SLC6A5: variants seen among roughly 807,000 people sequenced by gnomAD.
SLC6A5 encodes the protein solute carrier family 6 member 5, also known as sodium- and chloride-dependent glycine transporter 2.
SLC6A5 carries 58 observed loss-of-function variants against 90.5 expected under a neutral mutation model. The ratio of observed to expected loss-of-function variants is 0.64; its 90% CI spans 0.52 to 0.80. The LOEUF (loss-of-function observed/expected upper bound fraction) is 0.80, where lower values mean the gene tolerates loss of function less well. Ranked by LOEUF, SLC6A5 falls within the 30% of genes least tolerant of loss-of-function variation. SLC6A5 has a pLI of 0.00. For synonymous variants in SLC6A5, 427 were observed against 401.4 expected, an observed-to-expected ratio of 1.06 and a Z score of -0.76; for missense variants, 1,015 against 1,017.6, an observed-to-expected ratio of 1.00 and a Z score of 0.03.
intron 13 of SLC6A5, among the ~76,000 whole-genome samples, chr11:20,645,100 A>G (rs1055738488): frequency 1.5e-4 from 23 of 152,232 alleles, no homozygotes; most frequent in African/African-American, 5.3e-4. Flanking sequence ...GGATAGAGCC[A>G]CCATGCCTGG....
At chr11:20,640,896 G>A (rs11025672) in intron 13 of SLC6A5, among the ~76,000 whole-genome samples, 7,373 of 152,152 alleles carry the variant, frequency 0.048, 462 homozygotes, top group East Asian at 0.2. Flanking sequence ...AAAAAAATAA[G>A]CCAGTGAATT....
chr11:20,603,785 T>C (rs1852522519), intron 2 of SLC6A5, among the ~76,000 whole-genome samples: 2 of 152,170 alleles, frequency 1.3e-5, no homozygotes, highest in South Asian at 4.1e-4. Context: ...GCACACACTC[T>C]AAAGGAAGAA....
chr11:20,606,889 G>T, intron 3 of SLC6A5, 118 bp from the exon 4 acceptor site: 1 of 1,260,038 alleles, frequency 7.9e-7, no homozygotes. Context: ...CTTCAGGAAT[G>T]GAGCTAAATT....
intron 7 of SLC6A5, among the ~76,000 whole-genome samples, chr11:20,618,565 C>T (rs1424718738): frequency 6.6e-6 from 1 of 152,166 alleles, no homozygotes; most frequent in African/African-American, 2.4e-5. Flanking sequence ...AAGAGAGGAG[C>T]CCATCGAACC....
chr11:20,649,937 T>A (rs1254798455), intron 14 of SLC6A5, among the ~76,000 whole-genome samples: 1 of 152,212 alleles, frequency 6.6e-6, no homozygotes, highest in African/African-American at 2.4e-5. Flanking sequence ...CCAACAGTTG[T>A]CTTTGGGCTC....
chr11:20,632,914 C>A (rs952256913), intron 10 of SLC6A5, among the ~76,000 whole-genome samples: 1 of 152,164 alleles, frequency 6.6e-6, no homozygotes, highest in Non-Finnish European at 1.5e-5. Flanking sequence ...TTACCACTCC[C>A]TTCTAAAAGA....
At chr11:20,602,133 C>T (rs933880133) in intron 2 of SLC6A5, among the ~76,000 whole-genome samples, 1 of 152,222 alleles carries the variant, frequency 6.6e-6, no homozygotes. Flanking sequence ...CTTTACACTG[C>T]CAGTTACCTT....
chr11:20,651,836 G>A (rs922163855), intron 14 of SLC6A5, among the ~76,000 whole-genome samples: 6 of 152,102 alleles, frequency 3.9e-5, no homozygotes, highest in East Asian at 2.0e-4. Flanking sequence ...GAACCTGGGA[G>A]GGGGAGGTTG....
intron 15 of SLC6A5, among the ~76,000 whole-genome samples, chr11:20,654,135 G>A (rs535367027): frequency 3.5e-4 from 53 of 152,286 alleles, no homozygotes; most frequent in African/African-American, 1.3e-3. Context: ...CCACACTGCT[G>A]AACCAAGTCA....
intron 11 of SLC6A5, 27 bp downstream of exon 11, chr11:20,636,446 T>A: frequency 7.1e-7 from 1 of 1,402,356 alleles, no homozygotes; most frequent in Non-Finnish European, 1.0e-6. Flanking sequence ...TCAGTCTCTA[T>A]CCCATGCTCC....
intron 7 of SLC6A5, among the ~76,000 whole-genome samples, chr11:20,625,709 C>T (rs1166165239): frequency 6.6e-6 from 1 of 152,110 alleles, no homozygotes. Context: ...TTATGCTGTG[C>T]TGATAGTGAG....
chr11:20,627,936 G>A, intron 8 of SLC6A5, 44 bp from the exon 9 acceptor site: 1 of 1,487,720 alleles, frequency 6.7e-7, no homozygotes. Flanking sequence ...CCTGGCGCCA[G>A]TCTCCTTCAT....
At chr11:20,628,149 T>C (rs1246822074) in intron 9 of SLC6A5, 66 bp downstream of exon 9, 1 of 1,277,756 alleles carries the variant, frequency 7.8e-7, no homozygotes, top group Non-Finnish European at 1.1e-6. Context: ...GACTGAGTTA[T>C]CAGACACCTG....
chr11:20,607,335 C>T (rs1355295904), intron 4 of SLC6A5, 144 bp from the exon 5 acceptor site: 3 of 1,178,520 alleles, frequency 2.5e-6, no homozygotes, highest in East Asian at 2.3e-5. Context: ...CCTTCATATC[C>T]CTGGTAGACA....
chr11:20,652,391 T>A lies in SLC6A5; in HGVS notation c.2173T>A (p.Ser725Thr), dbSNP rs1853558302. The A allele has an allele frequency of 6.2e-7, 1 of 1,614,062 alleles. No homozygotes were observed. The highest frequency in any genetic ancestry group is 8.5e-7 in the Non-Finnish European group (1 of 1,180,032). Residue 725 changes from serine (S) to threonine (T), a missense_variant, in exon 15 of 16, where the codon TCC becomes ACC. Physicochemically the swap from Ser to Thr is moderately conservative, Grantham distance 58. Coordinates refer to ENST00000525748, the MANE Select transcript of SLC6A5 (RefSeq NM_004211.5). Reference sequence around the variant, plus strand: ...GCTCGGATGGCTAATGCTCGCCTGTTCCGTCATCTGGATCCCAATTATGTT... The same window carrying A: ...GCTCGGATGGCTAATGCTCGCCTGTACCGTCATCTGGATCCCAATTATGTT... ...MVLGWLMLAC[S>T]VIWIPIMFVI... is the part of the protein sequence containing the mutation.
rs895710634 is a variant in SLC6A5 at position 20,601,662 on chromosome 11, CCA to C, written c.538_539del (p.Gln180GlyfsTer7). Reference sequence around the variant, plus strand: ...CGGGCAGCGTGGCCACCGTTGCCACCCAGGTAAGCAGGTTGCATTACGGCCCG... The same window carrying C: ...CGGGCAGCGTGGCCACCGTTGCCACCGGTAAGCAGGTTGCATTACGGCCCG... ...LPGSVATVAT[Q>X]EDEQGDENKA... On this transcript the variant is annotated frameshift_variant and splice_region_variant, in exon 2 of 16. Transcript: ENST00000525748. LOFTEE classifies it high-confidence loss of function. 12 of 1,613,292 alleles carry C rather than the reference CCA, an allele frequency of 7.4e-6. No individual in the cohort carries two copies. The highest frequency in any genetic ancestry group is 1.3e-5 in the African/African-American group (1 of 74,932).
intron 3 of SLC6A5, among the ~76,000 whole-genome samples, chr11:20,604,863 G>A (rs1852548270): frequency 6.6e-6 from 1 of 152,154 alleles, no homozygotes; most frequent in South Asian, 2.1e-4. Context: ...TAAGAGGTGA[G>A]GGGGAAGGGG....
At chr11:20,610,740 A>G (rs987865945) in intron 5 of SLC6A5, among the ~76,000 whole-genome samples, 4 of 152,148 alleles carry the variant, frequency 2.6e-5, no homozygotes, top group African/African-American at 9.7e-5. Context: ...ATAGGAAGAT[A>G]TTTTTAGGCC....
intron 9 of SLC6A5, among the ~76,000 whole-genome samples, chr11:20,629,564 A>T (rs1853068055): frequency 6.6e-6 from 1 of 152,208 alleles, no homozygotes; most frequent in African/African-American, 2.4e-5. Flanking sequence ...ATATTTCGGT[A>T]CATGTATACA....
Sources: allele counts gnomAD v4.1 joint callset (sites outside exome capture counted in the v4.1 genomes callset), GRCh38; gene constraint gnomAD v4.1.1; transcripts MANE v1.5; gene names NCBI Gene and HGNC (gene_info 2026-07-23, HGNC 2026-07-21).